Variants in RBM6 observed in about 807,000 individuals in gnomAD.
RBM6 encodes RNA binding motif protein 6, also known as RNA-binding protein 6.
RBM6 carries 23 observed loss-of-function variants against 140.4 expected under a neutral mutation model. The ratio of observed to expected loss-of-function variants is 0.16; its 90% CI spans 0.12 to 0.23. The LOEUF is 0.23. RBM6 is among the 10% of genes least tolerant of loss of function. RBM6 has a pLI of 1.00. For synonymous variants in RBM6, 439 were observed against 475.6 expected, an observed-to-expected ratio of 0.92 and a Z score of 1.00; for missense variants, 1,139 against 1,386.7, an observed-to-expected ratio of 0.82 and a Z score of 2.84.
At chr3:50,036,195 G>A (rs2088527907) in intron 6 of RBM6, among the ~76,000 whole-genome samples, 1 of 152,150 alleles carries the variant, frequency 6.6e-6, no homozygotes, top group Non-Finnish European at 1.5e-5. Flanking sequence ...GCGCCCAGCA[G>A]GGTCTCCCTT....
chr3:50,005,447 G>A (rs1171240317), intron 6 of RBM6, among the ~76,000 whole-genome samples: 2 of 150,446 alleles, frequency 1.3e-5, no homozygotes, highest in African/African-American at 4.9e-5. Context: ...ACAGTGAGCC[G>A]TGATTGTGCC....
At chr3:49,986,221 T>C (rs1198525574) in intron 5 of RBM6, among the ~76,000 whole-genome samples, 1 of 146,628 alleles carries the variant, frequency 6.8e-6, no homozygotes, top group Admixed American at 6.8e-5. Context: ...CTTAAACTCC[T>C]GACCTCAAGT....
chr3:50,030,482 CCTA>C (rs1327350564), intron 6 of RBM6, among the ~76,000 whole-genome samples: 4 of 152,056 alleles, frequency 2.6e-5, no homozygotes, highest in Non-Finnish European at 2.9e-5. Flanking sequence ...TGTTCCACTA[CCTA>C]CTTTTTTCCT....
chr3:50,070,447 A>C lies in RBM6; in HGVS notation c.3019-8A>C. 1 of 1,609,998 alleles carries C rather than the reference A, an allele frequency of 6.2e-7. No homozygotes were observed. The highest frequency in any genetic ancestry group is 1.7e-4 in the Middle Eastern group (1 of 6,058). Reference sequence around the variant, plus strand: ...CAATCTCAGGTCTGCTCTTCTGCTTACCAACAGGGAAAGTTTAAAGGAAGA... The same window carrying C: ...CAATCTCAGGTCTGCTCTTCTGCTTCCCAACAGGGAAAGTTTAAAGGAAGA... On this transcript the variant is annotated splice_region_variant and splice_polypyrimidine_tract_variant and intron_variant, in intron 18 of 20. Coordinates refer to ENST00000266022, the MANE Select transcript of RBM6 (RefSeq NM_005777.3).
At chr3:49,948,540 T>C (rs1223375615) in intron 1 of RBM6, among the ~76,000 whole-genome samples, 3 of 151,638 alleles carry the variant, frequency 2.0e-5, no homozygotes, top group Non-Finnish European at 4.4e-5. Flanking sequence ...TCATGAAACC[T>C]AGTCTCTACT....
In RBM6 at chr3:50,061,008, A is replaced by G; in HGVS notation, c.2271+10A>G. 6.3e-7 allele frequency: 1 copy of G among 1,593,634 alleles called. No homozygotes were observed. Among genetic ancestry groups the G allele is most frequent in the South Asian group, 1.1e-5 (1 of 87,566 alleles). ...CATGCATTACTATCAGGTAGGCTGT[A>G]ACAGGTGGGGAGTGCTCTATTAAAA... On this transcript the variant is annotated intron_variant, in intron 12 of 20. Transcript: ENST00000266022.
intron 19 of RBM6, 125 bp downstream of exon 19, chr3:50,070,677 G>A (rs2090272710): frequency 4.3e-6 from 3 of 699,704 alleles, no homozygotes; most frequent in Admixed American, 2.5e-5. Context: ...TGTCTGAACT[G>A]CTAAAACATG....
intron 5 of RBM6, among the ~76,000 whole-genome samples, chr3:49,992,047 G>A (rs1264179865): frequency 1.3e-5 from 2 of 151,960 alleles, no homozygotes; most frequent in Non-Finnish European, 2.9e-5. Flanking sequence ...AACCTCCCAG[G>A]CTCAAGCAAT....
intron 9 of RBM6, 33 bp from the exon 10 acceptor site, chr3:50,058,369 G>T (rs1327857616): frequency 6.3e-7 from 1 of 1,577,100 alleles, no homozygotes; most frequent in Non-Finnish European, 8.7e-7. Context: ...TCTCTCCCTT[G>T]TGTTGCCCTT....
intron 6 of RBM6, among the ~76,000 whole-genome samples, chr3:50,008,551 T>TC: frequency 7.2e-6 from 1 of 139,820 alleles, no homozygotes; most frequent in South Asian, 2.4e-4. Flanking sequence ...TGTAACTTTT[T>TC]TTTTTTTTTT....
chr3:50,069,807 T>C (rs1188712947), intron 18 of RBM6, among the ~76,000 whole-genome samples: 1 of 152,214 alleles, frequency 6.6e-6, no homozygotes, highest in Non-Finnish European at 1.5e-5. Context: ...CTTAGAGTTG[T>C]CTACTACAAA....
chr3:50,060,679 A>G (rs2624815), intron 11 of RBM6: 147,434 of 239,484 alleles, frequency 0.62, 47,409 homozygotes, highest in East Asian at 0.86. Context: ...GTGTGAACCC[A>G]GGAGGCGGAG....
At chr3:49,986,399 C>T (rs2085556728) in intron 5 of RBM6, among the ~76,000 whole-genome samples, 1 of 151,580 alleles carries the variant, frequency 6.6e-6, no homozygotes, top group Non-Finnish European at 1.5e-5. Flanking sequence ...TTGAGACCAT[C>T]CTGGCTAACA....
intron 6 of RBM6, among the ~76,000 whole-genome samples, chr3:50,046,722 T>A (rs1285698441): frequency 6.6e-6 from 1 of 152,104 alleles, no homozygotes; most frequent in Non-Finnish European, 1.5e-5. Flanking sequence ...TAAGGCCAGA[T>A]TACCTGTCCC....
At chr3:50,015,719 A>G (rs1575698139) in intron 6 of RBM6, among the ~76,000 whole-genome samples, 1 of 152,184 alleles carries the variant, frequency 6.6e-6, no homozygotes, top group East Asian at 1.9e-4. Flanking sequence ...GGCGTGAGCC[A>G]CCGCTCCCGG....
At chr3:50,058,677 G>C (rs1357029451) in intron 10 of RBM6, 115 bp downstream of exon 10, 14 of 1,058,602 alleles carry the variant, frequency 1.3e-5, no homozygotes, top group Non-Finnish European at 1.8e-5. Context: ...CACTTTGGGA[G>C]GCCGAGGTGG....
intron 5 of RBM6, among the ~76,000 whole-genome samples, chr3:49,980,400 C>A (rs771187555): frequency 5.3e-5 from 8 of 152,018 alleles, no homozygotes; most frequent in Non-Finnish European, 1.0e-4. Flanking sequence ...GAAAATAATA[C>A]TTGCTATAAA....
At chr3:49,968,939 A>G (rs1575576572) in intron 3 of RBM6, among the ~76,000 whole-genome samples, 191 bp downstream of exon 3, 1 of 145,690 alleles carries the variant, frequency 6.9e-6, no homozygotes, top group Non-Finnish European at 1.5e-5. Context: ...GCCCACCACC[A>G]CGCCTGGTGT....
chr3:49,968,759 G>C lies in RBM6; in HGVS notation c.1323+11G>C. 1 of 1,310,840 alleles carries C rather than the reference G, an allele frequency of 7.6e-7. No homozygotes were observed. Among genetic ancestry groups the C allele is most frequent in the East Asian group, 2.5e-5 (1 of 40,648 alleles). 81.2% of individuals were successfully genotyped at this position (1,310,840 alleles called of 1,614,324 possible). A position where few individuals can be genotyped will look rare whatever the true frequency, so the allele number is the denominator to read the frequency against. Reference sequence around the variant, plus strand: ...CAACGGGACCTTCAGGTATGTTGATGGGGTGGATTGCTTTTTTTTTTTTTT... The same window carrying C: ...CAACGGGACCTTCAGGTATGTTGATCGGGTGGATTGCTTTTTTTTTTTTTT... On this transcript the variant is annotated intron_variant, in intron 3 of 20. Transcript: ENST00000266022.
Sources: allele counts gnomAD v4.1 joint callset (sites outside exome capture counted in the v4.1 genomes callset), GRCh38; gene constraint gnomAD v4.1.1; transcripts MANE v1.5; gene names NCBI Gene and HGNC (gene_info 2026-07-23, HGNC 2026-07-21).